Variants in USP24 observed in about 807,000 individuals in gnomAD.
USP24 encodes the protein ubiquitin specific peptidase 24, also known as ubiquitin carboxyl-terminal hydrolase 24.
Under a neutral mutation model 361.6 loss-of-function variants are expected in USP24, and 97 were observed. The ratio of observed to expected loss-of-function variants is 0.27; its 90% CI spans 0.23 to 0.32. The LOEUF (loss-of-function observed/expected upper bound fraction) is 0.32. USP24 is among the 10% of genes least tolerant of loss of function. The probability of loss-of-function intolerance (pLI) is 1.00; values close to 1 mark genes in which losing one functional copy is unlikely to be tolerated. For missense variants in USP24, 2,353 were observed against 3,165.6 expected (o/e 0.74, Z 6.16); for synonymous variants, 1,098 against 1,124.6 (o/e 0.98, Z 0.47).
rs368252747 is a variant in USP24, at chr1:55,147,753, C to T, written c.2014G>A (p.Val672Ile). 9.9e-6 allele frequency: 16 copies of T among 1,612,620 alleles called. No homozygotes were observed. The highest frequency in any genetic ancestry group is 1.4e-5 in the Non-Finnish European group (16 of 1,179,286). ...TGACAAGCGATCAAACTTCCCGTTA[C>T]CAATTTCACTATTTCAAAATTCTTC... The part of the protein sequence containing the change: ...LKKNFEIVKL[V>I]TGSLIACHRL... The change falls in exon 18 of 68, where the codon GTA becomes ATA. Residue 672 changes from valine to isoleucine, a missense_variant. Val to Ile is a conservative substitution (Grantham distance 29). This residue lies in a region of USP24 where 949 missense variants were observed against 1,280.5 expected (regional missense o/e 0.74). Transcript: ENST00000294383.
At chr1:55,173,071 T>C (rs1361122307) in intron 3 of USP24, among the ~76,000 whole-genome samples, 4 of 152,204 alleles carry the variant, frequency 2.6e-5, no homozygotes, top group African/African-American at 9.6e-5. Flanking sequence ...AAGAAATGAA[T>C]GCTGTATTGC....
At chr1:55,139,087 A>G (rs1460473899) in intron 24 of USP24, 77 bp from the exon 25 acceptor site, 7 of 1,316,564 alleles carry the variant, frequency 5.3e-6, no homozygotes, top group Non-Finnish European at 7.4e-6. Context: ...CTGTTTCACC[A>G]AAACCACAAT....
intron 57 of USP24, 36 bp from the exon 58 acceptor site, chr1:55,083,400 C>G: frequency 6.2e-7 from 1 of 1,603,004 alleles, no homozygotes; most frequent in Non-Finnish European, 8.5e-7. Flanking sequence ...AATTATATTT[C>G]TATCCAGACA....
chr1:55,177,130 CA>C (rs917662842), intron 2 of USP24, among the ~76,000 whole-genome samples: 1 of 151,118 alleles, frequency 6.6e-6, no homozygotes, highest in East Asian at 1.9e-4. Context: ...AAACAAAAAC[CA>C]AAAAACCACA....
In USP24 at chr1:55,172,433, C is replaced by A. The variant is rs1027827764; in HGVS notation, c.646G>T (p.Ala216Ser). 1 of 1,613,420 alleles carries A rather than the reference C, an allele frequency of 6.2e-7. No individual in the cohort carries two copies. Among genetic ancestry groups the A allele is most frequent in the Non-Finnish European group, 8.5e-7 (1 of 1,179,602 alleles). The change falls in exon 4 of 68, where the codon GCA (alanine) becomes TCA (serine). Residue 216 changes from alanine (A) to serine (S), a missense_variant. By Grantham distance (99) the Ala-to-Ser change is moderately conservative. Around this residue, in one of 8 missense-constraint regions of USP24, gnomAD observed 386 missense variants for 560.5 expected, o/e 0.69. Coordinates refer to ENST00000294383, the MANE Select transcript of USP24 (RefSeq NM_015306.3). ...ATTGGATCTTGTTTTATTCTCTCTG[C>A]GACCAGTTCTATTAATAGCATCAAC... Reference protein sequence around the residue: ...NMLMLLIELVAERIKQDPIPT... With the variant: ...NMLMLLIELVSERIKQDPIPT...
chr1:55,070,494 G>C (rs945678442), intron 67 of USP24, among the ~76,000 whole-genome samples: 9 of 152,168 alleles, frequency 5.9e-5, no homozygotes, highest in African/African-American at 2.2e-4. Context: ...GCTAGATGCT[G>C]CCGAGCAGTC....
At chr1:55,140,489 T>C (rs1028110962) in intron 24 of USP24, among the ~76,000 whole-genome samples, 3 of 152,218 alleles carry the variant, frequency 2.0e-5, no homozygotes, top group Non-Finnish European at 4.4e-5. Context: ...TCATTACTTC[T>C]GCCATTTAAA....
At position 55,176,361 on chromosome 1, in the gene USP24, GCA is replaced by G. The variant is rs781752002; in HGVS notation, c.558+13_558+14del. The G allele has an allele frequency of 5.1e-6, 8 of 1,556,358 alleles. No homozygotes were observed. The highest frequency in any genetic ancestry group is 3.9e-5 in the Admixed American group (2 of 51,704). On this transcript the variant is annotated intron_variant, in intron 3 of 67. Transcript: ENST00000294383. ...CCGACACACACAAAATATCACAGCA[GCA>G]CATTTTTCTTACCTTTTTAAATGCT...
In USP24 at chr1:55,158,980, G is replaced by A; in HGVS notation, c.1125C>T (p.Phe375=). 3 of 1,595,094 alleles carry A rather than the reference G, an allele frequency of 1.9e-6. No homozygotes were observed. The highest frequency in any genetic ancestry group is 1.7e-6 in the Non-Finnish European group (2 of 1,169,128). The change falls in exon 10 of 68, where the codon TTC becomes TTT. Residue 375 remains phenylalanine, a synonymous_variant. Transcript: ENST00000294383. ...CCACAATTGTCACCAGATCCGGTTGGAAGCGCATGCAAAGTAACTTAACGG... is the reference window on the plus strand; with the variant it reads ...CCACAATTGTCACCAGATCCGGTTGAAAGCGCATGCAAAGTAACTTAACGG... ...LSAVKLLCMR[F]QPDLVTIVDD...
In USP24 at chr1:55,214,866, G is replaced by GGGC. The variant is rs1644946728; in HGVS notation, c.245_247dup (p.Gly82_Pro83insArg). The GGGC allele has an allele frequency of 8.2e-7, 1 of 1,221,038 alleles. No homozygotes were observed. The highest frequency in any genetic ancestry group is 1.6e-5 in the African/African-American group (1 of 62,600). 75.6% of individuals were successfully genotyped at this position (1,221,038 alleles called of 1,614,324 possible). A position where few individuals can be genotyped will look rare whatever the true frequency, so the allele number is the denominator to read the frequency against. On this transcript the variant is annotated inframe_insertion, in exon 1 of 68. Coordinates refer to ENST00000294383, the MANE Select transcript of USP24 (RefSeq NM_015306.3). ...GCCTCCGGTGCTCCCGCCGCGGGAG[G>GGGC]GGCCGCCGCCGCCGCCGTCACCTCC... is the stretch of plus-strand genomic sequence containing the variant.
chr1:55,187,185 C>T (rs575164655), intron 1 of USP24, among the ~76,000 whole-genome samples: 2 of 152,166 alleles, frequency 1.3e-5, no homozygotes, highest in South Asian at 2.1e-4. Flanking sequence ...TAAAAAATCA[C>T]GAGATCATCT....
intron 1 of USP24, among the ~76,000 whole-genome samples, chr1:55,184,971 T>A (rs912372298): frequency 4.6e-5 from 7 of 152,026 alleles, no homozygotes; most frequent in Non-Finnish European, 8.8e-5. Flanking sequence ...TTTTATTTTT[T>A]TTTTGACATG....
intron 31 of USP24, among the ~76,000 whole-genome samples, chr1:55,131,389 A>G (rs769375063): frequency 5.3e-5 from 8 of 152,210 alleles, no homozygotes; most frequent in Non-Finnish European, 7.3e-5. Context: ...ACTGAATGCT[A>G]CTACATTTCA....
Position 55,134,160 on chromosome 1 carries a change from T to C in USP24, c.3291A>G (p.Ile1097Met). The C allele has an allele frequency of 6.2e-7, 1 of 1,613,314 alleles. No individual in the cohort carries two copies. The highest frequency in any genetic ancestry group is 8.5e-7 in the Non-Finnish European group (1 of 1,179,652). Residue 1097 changes from isoleucine (I) to methionine (M), a missense_variant, in exon 30 of 68, where the codon ATA (isoleucine) becomes ATG (methionine). Ile to Met is a conservative substitution (Grantham distance 10, BLOSUM62 1). Transcript: ENST00000294383. ...GCAGAAGCTTCCGTACTCGTAGAGT[T>C]ATCCTGAAGTTTTTCAAATACAAAT... ...YQLANLEEPR[I>M]TLRVRKLLLL...
In USP24 at chr1:55,154,477, G is replaced by C; in HGVS notation, c.1555-11C>G. ...CTCAGTCTCCCAGCTCTGTAGAACG[G>C]AAAAGACACAGGAATTGCTTCACGA... On this transcript the variant is annotated splice_polypyrimidine_tract_variant and intron_variant, in intron 13 of 67. Transcript: ENST00000294383. 3.9e-6 allele frequency: 6 copies of C among 1,549,148 alleles called. No individual in the cohort carries two copies. Among genetic ancestry groups the C allele is most frequent in the Non-Finnish European group, 5.2e-6 (6 of 1,146,202 alleles).
chr1:55,153,624 AT>A (rs35160543), intron 16 of USP24, among the ~76,000 whole-genome samples: 1 of 152,164 alleles, frequency 6.6e-6, no homozygotes, highest in South Asian at 2.1e-4. Flanking sequence ...AAATCTTCTA[AT>A]TTTATGAAAA....
At chr1:55,199,275 C>T (rs1557701248) in intron 1 of USP24, among the ~76,000 whole-genome samples, 1 of 151,190 alleles carries the variant, frequency 6.6e-6, no homozygotes, top group East Asian at 1.9e-4. Flanking sequence ...GGCGACAGAG[C>T]GAGACTCTGT....
At chr1:55,105,301 A>G (rs895391886) in intron 41 of USP24, among the ~76,000 whole-genome samples, 1 of 152,222 alleles carries the variant, frequency 6.6e-6, no homozygotes, top group African/African-American at 2.4e-5. Flanking sequence ...GAATACCCCA[A>G]GAGTTCTAAT....
chr1:55,086,798 T>A (rs185765503), intron 55 of USP24, among the ~76,000 whole-genome samples: 8 of 152,334 alleles, frequency 5.3e-5, no homozygotes, highest in Non-Finnish European at 1.2e-4. Context: ...CATGTGGGTA[T>A]CCTGTGTGAG....
Sources: allele counts gnomAD v4.1 joint callset (sites outside exome capture counted in the v4.1 genomes callset), GRCh38; gene constraint gnomAD v4.1.1; regional missense constraint gnomAD v4.1.1; transcripts MANE v1.5; gene names NCBI Gene and HGNC (gene_info 2026-07-23, HGNC 2026-07-21).